The following ISX variants were observed in gnomAD, a reference collection of about 807,000 sequenced individuals.
ISX encodes intestine-specific homeobox.
ISX carries 15 observed loss-of-function variants against 16.9 expected under a neutral mutation model. The observed-to-expected ratio is 0.89, with a 90% confidence interval of 0.59 to 1.36. The LOEUF (loss-of-function observed/expected upper bound fraction) is 1.36. Among genes scored for constraint, ISX ranks in the 40% most tolerant of loss-of-function variants. The probability of loss-of-function intolerance (pLI) is 0.00; values close to 1 mark genes in which losing one functional copy is unlikely to be tolerated. For missense variants in ISX, 316 were observed against 306.1 expected, an observed-to-expected ratio of 1.03 and a Z score of -0.24; for synonymous variants, 125 against 119.7, an observed-to-expected ratio of 1.04 and a Z score of -0.29.
rs361863 is a variant in ISX at position 35,067,169 on chromosome 22, A to G, written c.82A>G (p.Ser28Gly). 1,098,171 of 1,612,144 alleles carry G rather than the reference A, an allele frequency of 0.68. 378,382 individuals carry two copies. Among genetic ancestry groups the G allele is most frequent in the African/African-American group, 0.86 (64,345 of 74,950 alleles). ...LGCCEAPKKL[S>G]LSFSIEAILK... ...GTGCTGTGAGGCCCCGAAGAAGCTG[A>G]GCCTGTCCTTCTCCATTGAGGCGAT... is the stretch of plus-strand genomic sequence containing the variant. Residue 28 changes from serine (S) to glycine (G), a missense_variant, in exon 2 of 5, where the codon AGC (serine) becomes GGC (glycine). Transcript: ENST00000404699.
At chr22:35,083,408 G>A (rs966723733) in intron 3 of ISX, among the ~76,000 whole-genome samples, 33 of 152,164 alleles carry the variant, frequency 2.2e-4, no homozygotes, top group Admixed American at 2.2e-3. Context: ...AGCACCAACA[G>A]GCTAATCTCT....
chr22:35,071,436 C>G (rs926408573), intron 2 of ISX, among the ~76,000 whole-genome samples: 4 of 152,186 alleles, frequency 2.6e-5, no homozygotes, highest in African/African-American at 9.7e-5. Context: ...ATCCATGCCT[C>G]TCTCGTAGTT....
In ISX at chr22:35,067,569, G is replaced by A. The variant is rs117433672; in HGVS notation, c.229+253G>A. 6.0e-3 allele frequency among the ~76,000 whole-genome samples: 907 copies of A among 152,324 alleles called. 7 individuals are homozygous for A. Among genetic ancestry groups the A allele is most frequent in the Non-Finnish European group, 9.5e-3 (647 of 68,034 alleles). ...GGGCTTGTTATTGTAACCAGGCCCCGGCTAAGAATGCTAGTTACCATTTAT... is the reference window on the plus strand; with the variant it reads ...GGGCTTGTTATTGTAACCAGGCCCCAGCTAAGAATGCTAGTTACCATTTAT... On this transcript the variant is annotated intron_variant, in intron 2 of 4. Transcript: ENST00000404699.
rs752483179 is a variant in ISX at position 35,082,502 on chromosome 22, A to T, written c.230-16A>T. 4.3e-6 allele frequency: 7 copies of T among 1,613,344 alleles called. No homozygotes were observed. The highest frequency in any genetic ancestry group is 5.9e-6 in the Non-Finnish European group (7 of 1,179,466). On this transcript the variant is annotated splice_polypyrimidine_tract_variant and intron_variant, in intron 2 of 4. Transcript: ENST00000404699. ...CACCAAGGCCACTGACACAACTTGG[A>T]CCCTCTCCCATGCAGAAGGAAGGAA...
At chr22:35,083,934 G>T (rs954073899) in intron 3 of ISX, among the ~76,000 whole-genome samples, 19 of 152,220 alleles carry the variant, frequency 1.2e-4, no homozygotes, top group African/African-American at 4.6e-4. Context: ...GTTGAAAAGG[G>T]GTGGCCCACT....
chr22:35,085,578 C>T lies in ISX; in HGVS notation c.623C>T (p.Pro208Leu), dbSNP rs749060872. The change falls in exon 5 of 5, where the codon CCA (proline) becomes CTA (leucine). Residue 208 changes from proline (P) to leucine (L), a missense_variant. Transcript: ENST00000404699. ...TGGATCACCCTCCTCCCAGCGCACCCATGGGAAACACAGCCTGTCCCAGGT... is the reference window on the plus strand; with the variant it reads ...TGGATCACCCTCCTCCCAGCGCACCTATGGGAAACACAGCCTGTCCCAGGT... Reference protein sequence around the residue: ...PAWITLLPAHPWETQPVPGLP... With the variant: ...PAWITLLPAHLWETQPVPGLP... 3.7e-6 allele frequency: 6 copies of T among 1,614,244 alleles called. No individual in the cohort carries two copies. Among genetic ancestry groups the T allele is most frequent in the Non-Finnish European group, 5.1e-6 (6 of 1,180,052 alleles).
chr22:35,081,123 G>A (rs1352078615), intron 2 of ISX, among the ~76,000 whole-genome samples: 1 of 152,194 alleles, frequency 6.6e-6, no homozygotes, highest in Non-Finnish European at 1.5e-5. Context: ...AGAAAGATTA[G>A]GAAATAATTT....
rs1404297717 is a variant in ISX, at chr22:35,086,446, A to G, written c.*753A>G. ...GTCATTTCTGGCACAAATGAAAAGT[A>G]GGACGGAAAGCTCCTTTCATTCAGT... On this transcript the variant is annotated 3_prime_UTR_variant, in exon 5 of 5. Transcript: ENST00000404699. The G allele has an allele frequency of 6.6e-6, 1 of 152,432 alleles. No homozygotes were observed. The highest frequency in any genetic ancestry group is 1.5e-5 in the Non-Finnish European group (1 of 68,206). The allele number at this position is 152,432 out of a possible 1,614,324, so 9.4% of individuals were successfully genotyped here. A position where few individuals can be genotyped will look rare whatever the true frequency, so the allele number is the denominator to read the frequency against.
Position 35,067,395 on chromosome 22 carries a change from C to T in ISX, c.229+79C>T, listed in dbSNP as rs559284902. ...GGCTCAGGCAGAGAAAAAGCTTCTC[C>T]GTCCATATTAACTGGATAGAGGACT... On this transcript the variant is annotated intron_variant, in intron 2 of 4. Transcript: ENST00000404699. The T allele has an allele frequency of 9.6e-5, 96 of 997,910 alleles. No individual in the cohort carries two copies. In the African/African-American group the frequency reaches 1.3e-3, roughly 13 times the overall value. The allele number at this position is 997,910 out of a possible 1,614,324, so 61.8% of individuals were successfully genotyped here.
chr22:35,078,003 G>A (rs749818304), intron 2 of ISX, among the ~76,000 whole-genome samples: 23 of 151,964 alleles, frequency 1.5e-4, no homozygotes, highest in Non-Finnish European at 2.8e-4. Context: ...GTTATGACCC[G>A]TCTTCTGTTT....
At chr22:35,075,150 C>A (rs537767615) in intron 2 of ISX, among the ~76,000 whole-genome samples, 1 of 152,286 alleles carries the variant, frequency 6.6e-6, no homozygotes, top group East Asian at 1.9e-4. Context: ...AGAGACAGCC[C>A]TTCAGAGAAG....
At chr22:35,074,243 G>C (rs1183044808) in intron 2 of ISX, among the ~76,000 whole-genome samples, 1 of 152,180 alleles carries the variant, frequency 6.6e-6, no homozygotes, top group East Asian at 1.9e-4. Flanking sequence ...CCCAGAGGAG[G>C]GACACCCATT....
At chr22:35,076,552 A>T (rs192281634) in intron 2 of ISX, among the ~76,000 whole-genome samples, 2 of 152,212 alleles carry the variant, frequency 1.3e-5, no homozygotes, top group Middle Eastern at 3.4e-3. Flanking sequence ...AGGGCTGCAA[A>T]GGGGGCCCTG....
At position 35,067,029 on chromosome 22, in the gene ISX, T is replaced by C; in HGVS notation, c.-59T>C. On this transcript the variant is annotated 5_prime_UTR_variant, in exon 2 of 5. Coordinates refer to ENST00000404699, the MANE Select transcript of ISX (RefSeq NM_001303508.2). ...ACCCCAGGAGGTTCAGGGGAGGAAG[T>C]ACGCCACTCTCCACTGGCACCCTCC... The C allele has an allele frequency of 7.5e-7, 1 of 1,340,788 alleles. No individual in the cohort carries two copies. Among genetic ancestry groups the C allele is most frequent in the Non-Finnish European group, 1.1e-6 (1 of 949,322 alleles). The allele number at this position is 1,340,788 out of a possible 1,614,324, so 83.1% of individuals were successfully genotyped here.
chr22:35,069,183 G>A (rs1928785810), intron 2 of ISX, among the ~76,000 whole-genome samples: 1 of 152,106 alleles, frequency 6.6e-6, no homozygotes, highest in Non-Finnish European at 1.5e-5. Flanking sequence ...ATGATATAAG[G>A]TATTATTTTA....
Position 35,085,711 on chromosome 22 carries a change from C to T in ISX, c.*18C>T, listed in dbSNP as rs370209016. The T allele has an allele frequency of 1.9e-6, 3 of 1,613,686 alleles. No individual in the cohort carries two copies. Among genetic ancestry groups the T allele is most frequent in the African/African-American group, 2.7e-5 (2 of 74,938 alleles). On this transcript the variant is annotated 3_prime_UTR_variant, in exon 5 of 5. Transcript: ENST00000404699. ...CAACATAGAGATTGGACATGCTCTC[C>T]CCAAATGAGCCACTTTCCTCTCCAG... is the stretch of plus-strand genomic sequence containing the variant.
At chr22:35,077,845 A>C (rs890952427) in intron 2 of ISX, among the ~76,000 whole-genome samples, 1 of 152,330 alleles carries the variant, frequency 6.6e-6, no homozygotes, top group Non-Finnish European at 1.5e-5. Context: ...GGGAACAGGA[A>C]AAAGCCATCA....
rs777955726 is a variant in ISX, at chr22:35,086,445, T to C, written c.*752T>C. On this transcript the variant is annotated 3_prime_UTR_variant, in exon 5 of 5. Transcript: ENST00000404699. ...TGTCATTTCTGGCACAAATGAAAAG[T>C]AGGACGGAAAGCTCCTTTCATTCAG... The C allele has an allele frequency of 3.3e-5, 5 of 152,386 alleles. No homozygotes were observed. The highest frequency in any genetic ancestry group is 7.3e-5 in the Non-Finnish European group (5 of 68,194). The allele number at this position is 152,386 out of a possible 1,614,324, so 9.4% of individuals were successfully genotyped here.
At chr22:35,074,222 T>C (rs573125784) in intron 2 of ISX, among the ~76,000 whole-genome samples, 12 of 152,294 alleles carry the variant, frequency 7.9e-5, no homozygotes, top group African/African-American at 2.4e-4. Context: ...TAAAATCCCA[T>C]GTTCAAAAGC....
Sources: allele counts gnomAD v4.1 joint callset (sites outside exome capture counted in the v4.1 genomes callset), GRCh38; gene constraint gnomAD v4.1.1; transcripts MANE v1.5; gene names NCBI Gene and HGNC (gene_info 2026-07-23, HGNC 2026-07-21).